Variants in ZNF277 observed in about 807,000 individuals in gnomAD.
ZNF277 encodes the protein zinc finger protein 277.
Under a neutral mutation model 60.7 loss-of-function variants are expected in ZNF277, and 55 were observed. The ratio of observed to expected loss-of-function variants is 0.91; its 90% CI spans 0.73 to 1.13. ZNF277 has a LOEUF of 1.13. Ranked by LOEUF, ZNF277 falls within the 50% of genes most tolerant of loss-of-function variation. The pLI, the probability that ZNF277 is intolerant of heterozygous loss-of-function variation, is 0.00. For synonymous variants in ZNF277, 178 were observed against 179.3 expected (o/e 0.99, Z 0.06); for missense variants, 510 against 523.0 (o/e 0.98, Z 0.24).
At chr7:112,342,454 T>G in intron 11 of ZNF277, 107 bp from the exon 12 acceptor site, 1 of 960,722 alleles carries the variant, frequency 1.0e-6, no homozygotes. Flanking sequence ...TGCTATGAAA[T>G]TGTTGGCAAG....
At chr7:112,306,305 T>G (rs1792589901) in intron 4 of ZNF277, among the ~76,000 whole-genome samples, 1 of 150,810 alleles carries the variant, frequency 6.6e-6, no homozygotes, top group Non-Finnish European at 1.5e-5. Flanking sequence ...GCCTCCGCCT[T>G]CCGAATTCAA....
chr7:112,247,569 C>CA (rs1791112841), intron 1 of ZNF277, among the ~76,000 whole-genome samples: 1 of 152,074 alleles, frequency 6.6e-6, no homozygotes, highest in Non-Finnish European at 1.5e-5. Flanking sequence ...AGAAGACAGA[C>CA]AAATCTAAGA....
At chr7:112,257,141 C>A (rs1014060463) in intron 1 of ZNF277, among the ~76,000 whole-genome samples, 5 of 152,190 alleles carry the variant, frequency 3.3e-5, no homozygotes, top group Admixed American at 2.6e-4. Flanking sequence ...TCAACATAAT[C>A]AATACAATAT....
intron 1 of ZNF277, among the ~76,000 whole-genome samples, chr7:112,272,991 T>A (rs1791710853): frequency 6.6e-6 from 1 of 152,204 alleles, no homozygotes; most frequent in Admixed American, 6.5e-5. Flanking sequence ...ATTTCTCTGA[T>A]TATCAGTGAT....
intron 1 of ZNF277, among the ~76,000 whole-genome samples, chr7:112,237,892 T>C (rs1465767828): frequency 6.6e-6 from 1 of 152,196 alleles, no homozygotes; most frequent in Non-Finnish European, 1.5e-5. Flanking sequence ...TATAGACCAA[T>C]ATCTTTGATG....
At chr7:112,249,965 G>A (rs904767544) in intron 1 of ZNF277, among the ~76,000 whole-genome samples, 11 of 152,092 alleles carry the variant, frequency 7.2e-5, no homozygotes, top group African/African-American at 2.7e-4. Flanking sequence ...AAAAGAACAG[G>A]ATAACAGCAA....
intron 1 of ZNF277, among the ~76,000 whole-genome samples, chr7:112,237,792 AAGG>A (rs1444934906): frequency 2.0e-5 from 3 of 152,176 alleles, no homozygotes; most frequent in African/African-American, 4.8e-5. Flanking sequence ...ACAAAAAGAC[AAGG>A]AGGAGGGAAT....
intron 1 of ZNF277, among the ~76,000 whole-genome samples, chr7:112,258,611 A>G (rs1791375622): frequency 1.3e-5 from 2 of 152,178 alleles, no homozygotes; most frequent in African/African-American, 2.4e-5. Context: ...AAATGTTTTA[A>G]TCATTTTTCC....
intron 1 of ZNF277, among the ~76,000 whole-genome samples, chr7:112,267,640 A>G (rs1791579912): frequency 6.6e-6 from 1 of 152,112 alleles, no homozygotes; most frequent in South Asian, 2.1e-4. Context: ...ACTTCTAAAC[A>G]TCCCCTTCAT....
rs967356292 is a variant in ZNF277 at position 112,304,265 on chromosome 7, G to A, written c.465+7954G>A. On this transcript the variant is annotated intron_variant, in intron 4 of 11. Coordinates refer to ENST00000361822, the MANE Select transcript of ZNF277 (RefSeq NM_021994.3). ...TATACATGCAGAGCTGTGTGTTTAAGTATATTAAGTATTATTTAGTATATT... is the reference window on the plus strand; with the variant it reads ...TATACATGCAGAGCTGTGTGTTTAAATATATTAAGTATTATTTAGTATATT... Among the ~76,000 whole-genome samples, 3 of 152,070 alleles carry A rather than the reference G, an allele frequency of 2.0e-5. No individual in the cohort carries two copies. In the East Asian group the frequency reaches 5.8e-4, roughly 29 times the overall value.
At chr7:112,298,188 T>A (rs1363852179) in intron 4 of ZNF277, among the ~76,000 whole-genome samples, 1 of 152,182 alleles carries the variant, frequency 6.6e-6, no homozygotes, top group Non-Finnish European at 1.5e-5. Context: ...TGTATTCTTA[T>A]CTTGGTAATA....
At chr7:112,316,757 A>G (rs1264998731) in intron 4 of ZNF277, among the ~76,000 whole-genome samples, 1 of 152,030 alleles carries the variant, frequency 6.6e-6, no homozygotes, top group African/African-American at 2.4e-5. Context: ...TTCCTCAAGG[A>G]TCTTGAGCCA....
chr7:112,321,102 T>C (rs1792971999), intron 5 of ZNF277, among the ~76,000 whole-genome samples: 3 of 151,494 alleles, frequency 2.0e-5, no homozygotes, highest in Admixed American at 2.0e-4. Flanking sequence ...TTTGTATTTT[T>C]AGTAGAGATG....
At chr7:112,308,607 G>C (rs1217940879) in intron 4 of ZNF277, among the ~76,000 whole-genome samples, 1 of 152,118 alleles carries the variant, frequency 6.6e-6, no homozygotes, top group African/African-American at 2.4e-5. Flanking sequence ...ATGAGGATTA[G>C]TGGACTCTGG....
At chr7:112,239,139 A>G (rs1283764866) in intron 1 of ZNF277, among the ~76,000 whole-genome samples, 1 of 152,138 alleles carries the variant, frequency 6.6e-6, no homozygotes, top group East Asian at 1.9e-4. Flanking sequence ...TGGTGTCCAC[A>G]GAGAAAGACT....
At position 112,284,405 on chromosome 7, in the gene ZNF277, T is replaced by C. The variant is rs1487350841; in HGVS notation, c.92-2468T>C. Among the ~76,000 whole-genome samples, 3 of 152,314 alleles carry C rather than the reference T, an allele frequency of 2.0e-5. No homozygotes were observed. In the South Asian group the frequency reaches 6.2e-4, roughly 32 times the overall value. On this transcript the variant is annotated intron_variant, in intron 1 of 11. Coordinates refer to ENST00000361822, the MANE Select transcript of ZNF277 (RefSeq NM_021994.3). ...TAGAATATGCTGCCTTTTGTAGCTA[T>C]ATACTAGTGGATGTAAAATACTATC... is the stretch of plus-strand genomic sequence containing the variant.
chr7:112,307,146 T>C (rs1052926229), intron 4 of ZNF277, among the ~76,000 whole-genome samples: 1 of 152,110 alleles, frequency 6.6e-6, no homozygotes, highest in East Asian at 1.9e-4. Context: ...AGGGCTTTTG[T>C]TCATGTCTCT....
At chr7:112,223,431 C>A (rs1020807247) in intron 1 of ZNF277, among the ~76,000 whole-genome samples, 2 of 152,188 alleles carry the variant, frequency 1.3e-5, no homozygotes, top group Non-Finnish European at 1.5e-5. Flanking sequence ...AGGTCTGTCT[C>A]CCTAGGCACT....
rs78893038 is a variant in ZNF277, at chr7:112,223,763, G to A, written c.91+16956G>A. ...GGACCTCCTATTCCACTGTCTTGCC[G>A]ACCCAGAATTCTCTGGTTAGAATTT... On this transcript the variant is annotated intron_variant, in intron 1 of 11. Coordinates refer to ENST00000361822, the MANE Select transcript of ZNF277 (RefSeq NM_021994.3). Among the ~76,000 whole-genome samples, 532 of 152,290 alleles carry A rather than the reference G, an allele frequency of 3.5e-3. 4 individuals carry two copies. Among genetic ancestry groups the A allele is most frequent in the Admixed American group, 0.024 (374 of 15,298 alleles).
Sources: allele counts gnomAD v4.1 joint callset (sites outside exome capture counted in the v4.1 genomes callset), GRCh38; gene constraint gnomAD v4.1.1; transcripts MANE v1.5; gene names NCBI Gene and HGNC (gene_info 2026-07-23, HGNC 2026-07-21).